Variants in COP1 observed in about 807,000 individuals in gnomAD.
COP1 encodes E3 ubiquitin-protein ligase COP1.
In COP1, 24 loss-of-function variants were observed where a neutral mutation model predicts 101.3. The ratio of observed to expected loss-of-function variants is 0.24; its 90% CI spans 0.17 to 0.33. The LOEUF is 0.33. Among genes scored for constraint, COP1 ranks in the 10% least tolerant of loss-of-function variants. The pLI, the probability that COP1 is intolerant of heterozygous loss-of-function variation, is 1.00. For synonymous variants in COP1, 347 were observed against 341.9 expected (o/e 1.01, Z -0.17); for missense variants, 663 against 906.2 (o/e 0.73, Z 3.45).
At chr1:175,978,182 C>T (rs184808391) in intron 18 of COP1, among the ~76,000 whole-genome samples, 310 of 152,118 alleles carry the variant, frequency 2.0e-3, no homozygotes, top group African/African-American at 7.3e-3. Context: ...AAATTGGCAT[C>T]AATTCTATGC....
At chr1:176,029,050 A>C (rs1407641597) in intron 14 of COP1, among the ~76,000 whole-genome samples, 1 of 152,024 alleles carries the variant, frequency 6.6e-6, no homozygotes, top group Non-Finnish European at 1.5e-5. Flanking sequence ...CACTGGGCCC[A>C]GCCAATTATT....
At chr1:175,965,913 C>T (rs1195562852) in intron 18 of COP1, among the ~76,000 whole-genome samples, 1 of 152,038 alleles carries the variant, frequency 6.6e-6, no homozygotes, top group East Asian at 1.9e-4. Flanking sequence ...CATAAGAATC[C>T]CCTTATTTGA....
chr1:176,004,861 C>T (rs1289388596), intron 15 of COP1, among the ~76,000 whole-genome samples: 1 of 151,544 alleles, frequency 6.6e-6, no homozygotes, highest in Non-Finnish European at 1.5e-5. Context: ...ATGATGCTGG[C>T]CTCATAAAAT....
At chr1:176,026,402 A>G (rs374265802) in intron 15 of COP1, among the ~76,000 whole-genome samples, 2 of 152,070 alleles carry the variant, frequency 1.3e-5, no homozygotes, top group African/African-American at 4.8e-5. Context: ...CATAATCCTC[A>G]TAACAGCCCC....
At chr1:176,127,220 C>T (rs1432509232) in intron 8 of COP1, among the ~76,000 whole-genome samples, 3 of 150,212 alleles carry the variant, frequency 2.0e-5, no homozygotes, top group African/African-American at 4.9e-5. Context: ...ATTTAAAATC[C>T]TCTCTTTTGC....
intron 15 of COP1, among the ~76,000 whole-genome samples, chr1:176,007,738 T>C (rs1158433728): frequency 2.0e-5 from 3 of 152,150 alleles, no homozygotes; most frequent in East Asian, 3.9e-4. Flanking sequence ...GAACCACTGC[T>C]CTCTTCAAAG....
intron 9 of COP1, among the ~76,000 whole-genome samples, chr1:176,095,697 A>C (rs75011270): frequency 6.6e-6 from 1 of 152,038 alleles, no homozygotes; most frequent in African/African-American, 2.4e-5. Flanking sequence ...AAAAAAAAAA[A>C]AGATGTTCTT....
At chr1:176,005,531 C>T (rs1662931511) in intron 15 of COP1, among the ~76,000 whole-genome samples, 2 of 152,252 alleles carry the variant, frequency 1.3e-5, no homozygotes, top group African/African-American at 4.8e-5. Flanking sequence ...GAATGTGTCC[C>T]AGAGATTCTG....
chr1:176,009,893 G>T (rs986289145), intron 15 of COP1, among the ~76,000 whole-genome samples: 2 of 135,160 alleles, frequency 1.5e-5, no homozygotes, highest in Non-Finnish European at 3.2e-5. Flanking sequence ...GGGGGGGTCC[G>T]CAATAATTTT....
At chr1:176,178,219 A>T (rs1404742344) in intron 2 of COP1, among the ~76,000 whole-genome samples, 1 of 152,176 alleles carries the variant, frequency 6.6e-6, no homozygotes, top group Non-Finnish European at 1.5e-5. Context: ...AACATGAAGA[A>T]ATTTACAGTC....
chr1:175,979,765 T>A (rs140428650), intron 18 of COP1, among the ~76,000 whole-genome samples: 122 of 152,140 alleles, frequency 8.0e-4, no homozygotes, highest in African/African-American at 2.9e-3. Flanking sequence ...AAATGGTAAT[T>A]GATTATTACC....
intron 11 of COP1, among the ~76,000 whole-genome samples, chr1:176,077,395 A>G (rs987292267): frequency 2.0e-5 from 3 of 150,710 alleles, no homozygotes; most frequent in Non-Finnish European, 3.0e-5. Flanking sequence ...AATAAAAAAC[A>G]AAAAACATAT....
chr1:175,999,609 T>C (rs1201087783), intron 15 of COP1, among the ~76,000 whole-genome samples: 1 of 152,062 alleles, frequency 6.6e-6, no homozygotes, highest in African/African-American at 2.4e-5. Context: ...AAGTTGCCTT[T>C]CTGTTGGGTA....
chr1:176,129,208 A>C (rs1329922899), intron 8 of COP1, among the ~76,000 whole-genome samples: 1 of 151,564 alleles, frequency 6.6e-6, no homozygotes, highest in Non-Finnish European at 1.5e-5. Context: ...GCCTCCATAA[A>C]ATGATTCCTT....
At position 176,066,285 on chromosome 1, in the gene COP1, C is replaced by T. The variant is rs568441189; in HGVS notation, c.1277+14867G>A. 2.5e-3 allele frequency among the ~76,000 whole-genome samples: 387 copies of T among 152,274 alleles called. 2 individuals are homozygous for T. The highest frequency in any genetic ancestry group is 9.1e-3 in the African/African-American group (378 of 41,546). On this transcript the variant is annotated intron_variant, in intron 11 of 19. Transcript: ENST00000367669. Reference sequence around the variant, plus strand: ...CCCTCACCTCTTCAGCCCCCATGCCCCATGTCATGTAAAACTTTCAACATC... The same window carrying T: ...CCCTCACCTCTTCAGCCCCCATGCCTCATGTCATGTAAAACTTTCAACATC...
At chr1:176,168,735 A>G in intron 3 of COP1, 1 of 353,456 alleles carries the variant, frequency 2.8e-6, no homozygotes, top group Non-Finnish European at 5.8e-6. Context: ...AGAGGAGCAG[A>G]CAGAGTATGC....
At chr1:176,152,573 A>T (rs968914502) in intron 5 of COP1, among the ~76,000 whole-genome samples, 14 of 151,888 alleles carry the variant, frequency 9.2e-5, no homozygotes, top group South Asian at 6.2e-4. Flanking sequence ...TCGGCCTCCC[A>T]AGTAGCTGGG....
chr1:176,108,505 C>G (rs1246436642), intron 9 of COP1, among the ~76,000 whole-genome samples: 1 of 152,074 alleles, frequency 6.6e-6, no homozygotes, highest in Non-Finnish European at 1.5e-5. Flanking sequence ...CATGTATATA[C>G]TGCCAAATTA....
At chr1:176,078,301 A>G (rs1034539168) in intron 11 of COP1, among the ~76,000 whole-genome samples, 1 of 152,160 alleles carries the variant, frequency 6.6e-6, no homozygotes, top group East Asian at 1.9e-4. Context: ...AAAAACAGAC[A>G]TAAGACCAAT....
Sources: allele counts gnomAD v4.1 joint callset (sites outside exome capture counted in the v4.1 genomes callset), GRCh38; gene constraint gnomAD v4.1.1; transcripts MANE v1.5; gene names NCBI Gene and HGNC (gene_info 2026-07-23, HGNC 2026-07-21).